PCDHA1: variants seen among roughly 807,000 people sequenced by gnomAD.
PCDHA1 encodes the protein protocadherin alpha 1.
A neutral mutation model predicts 61.3 loss-of-function variants in PCDHA1; 42 were observed. That is an observed-to-expected ratio of 0.69 (90% CI 0.54 to 0.89). PCDHA1 has a LOEUF of 0.89. Ranked by LOEUF, PCDHA1 falls within the 40% of genes least tolerant of loss-of-function variation. The pLI, the probability that PCDHA1 is intolerant of heterozygous loss-of-function variation, is 0.00. For missense variants in PCDHA1, 1,256 were observed against 1,235.3 expected (o/e 1.02, Z -0.25); for synonymous variants, 610 against 553.8 (o/e 1.10, Z -1.43).
At chr5:140,967,120 G>C in intron 1 of PCDHA1, 1 of 1,612,860 alleles carries the variant, frequency 6.2e-7, no homozygotes, top group East Asian at 2.2e-5. Flanking sequence ...CTCGCTGCCT[G>C]CTCAGCTTGG....
intron 1 of PCDHA1, chr5:140,849,805 C>T: frequency 6.3e-7 from 1 of 1,598,382 alleles, no homozygotes; most frequent in Non-Finnish European, 8.6e-7. Flanking sequence ...TCACTGTGGG[C>T]CACGGCCAGG....
intron 1 of PCDHA1, chr5:140,823,634 C>A (rs367738406): frequency 1.2e-6 from 2 of 1,613,942 alleles, no homozygotes; most frequent in African/African-American, 2.7e-5. Flanking sequence ...GCGCGCATCC[C>A]GTTCCGCGTG....
intron 1 of PCDHA1, chr5:140,788,932 A>G (rs1761503368): frequency 2.7e-6 from 2 of 747,774 alleles, no homozygotes; most frequent in Non-Finnish European, 3.9e-6. Flanking sequence ...GCTACAATAC[A>G]AGGTACAATA....
At chr5:140,964,262 A>C (rs1327933465) in intron 1 of PCDHA1, among the ~76,000 whole-genome samples, 1 of 152,206 alleles carries the variant, frequency 6.6e-6, no homozygotes, top group Non-Finnish European at 1.5e-5. Context: ...TTGACTCCTT[A>C]ATAATTAAGG....
In PCDHA1 at chr5:140,842,325, C is replaced by G. The variant is rs2150334161; in HGVS notation, c.2394+53641C>G. On this transcript the variant is annotated intron_variant, in intron 1 of 3. Coordinates refer to ENST00000504120, the MANE Select transcript of PCDHA1 (RefSeq NM_018900.4). ...CATCCTCCCATGGCGGGTCATTGCA[C>G]CGTTTTAGTGAGAATTTTGGATAAA... 1.9e-5 allele frequency: 31 copies of G among 1,606,978 alleles called. No individual in the cohort carries two copies. In the South Asian group the frequency reaches 3.1e-4, roughly 16 times the overall value.
intron 1 of PCDHA1, among the ~76,000 whole-genome samples, chr5:140,915,626 G>C (rs928151112): frequency 6.1e-5 from 9 of 146,436 alleles, no homozygotes; most frequent in East Asian, 4.1e-4. Flanking sequence ...GTCTCTTTCT[G>C]TCTCTCTCTC....
chr5:140,842,062 C>G lies in PCDHA1; in HGVS notation c.2394+53378C>G, dbSNP rs548664799. The G allele has an allele frequency of 3.1e-6, 5 of 1,613,774 alleles. No individual in the cohort carries two copies. In the African/African-American group the frequency reaches 6.7e-5, roughly 22 times the overall value. ...CTCCCACTTTCGAACAGTCTGAATA[C>G]GAAGTAAGAATATTCGAAAACGCAG... On this transcript the variant is annotated intron_variant, in intron 1 of 3. Coordinates refer to ENST00000504120, the MANE Select transcript of PCDHA1 (RefSeq NM_018900.4).
chr5:140,835,875 C>T (rs1356053208), intron 1 of PCDHA1: 3 of 1,611,846 alleles, frequency 1.9e-6, no homozygotes, highest in African/African-American at 2.7e-5. Flanking sequence ...GGTGGAGCTG[C>T]GGGTGGGCGA....
In PCDHA1 at chr5:141,009,987, A is replaced by C. The variant is rs2154001821; in HGVS notation, c.*50A>C. The C allele has an allele frequency of 6.3e-7, 1 of 1,580,396 alleles. No individual in the cohort carries two copies. Among genetic ancestry groups the C allele is most frequent in the East Asian group, 2.2e-5 (1 of 44,670 alleles). On this transcript the variant is annotated 3_prime_UTR_variant, in exon 4 of 4. Coordinates refer to ENST00000504120, the MANE Select transcript of PCDHA1 (RefSeq NM_018900.4). The stretch of plus-strand genomic sequence containing the variant: ...TTAGCCAGTTTTTGTAATAATGGCA[A>C]ATCTCTCCCATGTAGCAATTCCCTG...
chr5:140,821,812 C>G, intron 1 of PCDHA1: 6 of 1,613,776 alleles, frequency 3.7e-6, no homozygotes, highest in Non-Finnish European at 5.1e-6. Flanking sequence ...GGGATCCCGG[C>G]TCCTGCTGCT....
chr5:140,986,371 G>T (rs1453761888), intron 3 of PCDHA1, among the ~76,000 whole-genome samples: 2 of 152,116 alleles, frequency 1.3e-5, no homozygotes, highest in African/African-American at 2.4e-5. Flanking sequence ...AATGCGTTTT[G>T]GGGGGAGGGA....
intron 1 of PCDHA1, chr5:140,807,158 T>G: frequency 3.1e-6 from 5 of 1,590,660 alleles, no homozygotes; most frequent in Non-Finnish European, 4.3e-6. Flanking sequence ...GAAACGATAT[T>G]TAATCAGAAC....
At chr5:140,975,511 A>T (rs1236558069) in intron 1 of PCDHA1, among the ~76,000 whole-genome samples, 2 of 152,212 alleles carry the variant, frequency 1.3e-5, no homozygotes, top group African/African-American at 4.8e-5. Flanking sequence ...CACTATGCAA[A>T]ATCTGCAGTG....
chr5:140,884,798 A>C, intron 1 of PCDHA1: 3 of 1,275,332 alleles, frequency 2.4e-6, no homozygotes, highest in Non-Finnish European at 3.2e-6. Flanking sequence ...TATCGAATTT[A>C]ACAACTCTGC....
intron 1 of PCDHA1, among the ~76,000 whole-genome samples, chr5:140,938,727 GA>G (rs2092176789): frequency 6.6e-6 from 1 of 151,904 alleles, no homozygotes; most frequent in Admixed American, 6.6e-5. Flanking sequence ...CGTTTCTACA[GA>G]AAAAAATAAT....
chr5:141,009,482 C>A, intron 3 of PCDHA1, 145 bp from the exon 4 acceptor site: 1 of 1,446,086 alleles, frequency 6.9e-7, no homozygotes, highest in Non-Finnish European at 9.1e-7. Flanking sequence ...TAAACACTTG[C>A]CTTGCCCTCA....
At position 140,786,573 on chromosome 5, in the gene PCDHA1, C is replaced by T; in HGVS notation, c.283C>T (p.Leu95=). The change falls in exon 1 of 4, where the codon CTG becomes TTG. Residue 95 remains leucine (L), a synonymous_variant. Transcript: ENST00000504120. The part of the protein sequence containing the change: ...FVNSRIDREE[L]CQWSAECSIH... ...GAATTCTCGGATCGATCGCGAGGAG[C>T]TGTGCCAGTGGAGCGCGGAGTGCAG... 1 of 1,614,230 alleles carries T rather than the reference C, an allele frequency of 6.2e-7. No individual in the cohort carries two copies. The highest frequency in any genetic ancestry group is 8.5e-7 in the Non-Finnish European group (1 of 1,180,042).
chr5:140,794,091 A>G (rs1254035182), intron 1 of PCDHA1, among the ~76,000 whole-genome samples: 1 of 152,252 alleles, frequency 6.6e-6, no homozygotes, highest in African/African-American at 2.4e-5. Context: ...ACTGTTCACA[A>G]CAGTCAAGAA....
intron 1 of PCDHA1, among the ~76,000 whole-genome samples, chr5:140,895,167 T>G (rs1289758040): frequency 6.6e-6 from 1 of 152,186 alleles, no homozygotes; most frequent in African/African-American, 2.4e-5. Flanking sequence ...CAATCCAATC[T>G]ATTTGTAGTC....
Sources: allele counts gnomAD v4.1 joint callset (sites outside exome capture counted in the v4.1 genomes callset), GRCh38; gene constraint gnomAD v4.1.1; transcripts MANE v1.5; gene names NCBI Gene and HGNC (gene_info 2026-07-23, HGNC 2026-07-21).